Variants in ZMYND12 observed in about 807,000 individuals in gnomAD.
ZMYND12 encodes zinc finger MYND domain-containing protein 12.
In ZMYND12, 32 loss-of-function variants were observed where a neutral mutation model predicts 41.7. That is an observed-to-expected ratio of 0.77 (90% CI 0.58 to 1.03). ZMYND12 has a LOEUF of 1.03. ZMYND12 is among the 50% of genes least tolerant of loss of function. The pLI is 0.00. For synonymous variants in ZMYND12, 148 were observed against 164.8 expected (o/e 0.90, Z 0.78); for missense variants, 424 against 438.5 (o/e 0.97, Z 0.30).
intron 3 of ZMYND12, among the ~76,000 whole-genome samples, chr1:42,445,085 G>T (rs1643009629): frequency 6.6e-6 from 1 of 151,076 alleles, no homozygotes; most frequent in African/African-American, 2.4e-5. Flanking sequence ...TGGGATTACA[G>T]GTGTGAGCCA....
intron 1 of ZMYND12, 86 bp from the exon 2 acceptor site, chr1:42,450,145 C>G: frequency 6.6e-7 from 1 of 1,505,408 alleles, no homozygotes; most frequent in South Asian, 1.2e-5. Context: ...TATCCCTAGA[C>G]ACCAGAAAAG....
intron 5 of ZMYND12, among the ~76,000 whole-genome samples, chr1:42,435,895 C>A (rs963427361): frequency 6.6e-6 from 1 of 152,124 alleles, no homozygotes; most frequent in African/African-American, 2.4e-5. Flanking sequence ...CAGCAGAAAG[C>A]CTGTATTACA....
intron 1 of ZMYND12, among the ~76,000 whole-genome samples, chr1:42,455,398 G>A (rs192940091): frequency 6.5e-4 from 99 of 152,316 alleles, no homozygotes; most frequent in African/African-American, 2.1e-3. Flanking sequence ...TCAGCCTCCC[G>A]AGTAGCTGGG....
At chr1:42,431,052 CA>C (rs1403127560) in intron 7 of ZMYND12, among the ~76,000 whole-genome samples, 194 bp from the exon 8 acceptor site, 10 of 152,074 alleles carry the variant, frequency 6.6e-5, no homozygotes, top group African/African-American at 2.4e-4. Flanking sequence ...GGCAGGGCAC[CA>C]GAAAAAAACC....
At position 42,455,831 on chromosome 1, in the gene ZMYND12, G is replaced by T. The variant is rs1347842646; in HGVS notation, c.110+57C>A. On this transcript the variant is annotated intron_variant, in intron 1 of 7. Coordinates refer to ENST00000372565, the MANE Select transcript of ZMYND12 (RefSeq NM_032257.5). Reference sequence around the variant, plus strand: ...AACGCAAGGTACCCAAGCCAGACCCGGGAAAGGGAGAGAGGGAGGGAGTTA... The same window carrying T: ...AACGCAAGGTACCCAAGCCAGACCCTGGAAAGGGAGAGAGGGAGGGAGTTA... 2.9e-6 allele frequency: 4 copies of T among 1,379,158 alleles called. No homozygotes were observed. The Admixed American group carries it at 8.2e-5, about 28-fold the overall frequency. The allele number at this position is 1,379,158 out of a possible 1,614,324, so 85.4% of individuals were successfully genotyped here.
At chr1:42,452,116 C>G (rs1377072976) in intron 1 of ZMYND12, among the ~76,000 whole-genome samples, 2 of 152,156 alleles carry the variant, frequency 1.3e-5, no homozygotes, top group South Asian at 2.1e-4. Context: ...CAATTCACCA[C>G]TGATCCTATA....
chr1:42,441,830 C>T (rs914963981), intron 3 of ZMYND12, among the ~76,000 whole-genome samples: 5 of 152,100 alleles, frequency 3.3e-5, no homozygotes, highest in African/African-American at 9.7e-5. Flanking sequence ...CCGTTTTAGC[C>T]GGGATGGTCT....
chr1:42,447,390 A>G (rs1643035217), intron 3 of ZMYND12, among the ~76,000 whole-genome samples: 1 of 152,228 alleles, frequency 6.6e-6, no homozygotes, highest in Non-Finnish European at 1.5e-5. Context: ...TCAAGATCAT[A>G]AAAGTCAAGA....
intron 4 of ZMYND12, among the ~76,000 whole-genome samples, chr1:42,439,173 C>A (rs1407463460): frequency 6.6e-6 from 1 of 152,108 alleles, no homozygotes; most frequent in African/African-American, 2.4e-5. Flanking sequence ...TTTATTATTC[C>A]TGTCTTGCAG....
chr1:42,437,440 CTGTGTG>C (rs113850227), intron 4 of ZMYND12, among the ~76,000 whole-genome samples: 33,926 of 144,334 alleles, frequency 0.24, 4,738 homozygotes, highest in Non-Finnish European at 0.32. Flanking sequence ...CAATAAAGCT[CTGTGTG>C]TGTGTGTGTG....
chr1:42,431,206 G>C (rs997819282), intron 7 of ZMYND12, among the ~76,000 whole-genome samples: 1 of 152,200 alleles, frequency 6.6e-6, no homozygotes, highest in Non-Finnish European at 1.5e-5. Context: ...CCACTCTGGG[G>C]TGGTCCTGGA....
At chr1:42,447,276 T>G (rs1385676022) in intron 3 of ZMYND12, among the ~76,000 whole-genome samples, 1 of 152,208 alleles carries the variant, frequency 6.6e-6, no homozygotes, top group African/African-American at 2.4e-5. Flanking sequence ...ACCTCTGTAC[T>G]GTTTTTGCCA....
intron 3 of ZMYND12, among the ~76,000 whole-genome samples, chr1:42,440,667 TTTGTTG>T (rs140012893): frequency 1.3e-5 from 2 of 151,724 alleles, no homozygotes; most frequent in African/African-American, 4.9e-5. Flanking sequence ...TTGTCCTTTT[TTTGTTG>T]TTGTTGTTGT....
intron 1 of ZMYND12, among the ~76,000 whole-genome samples, chr1:42,451,825 A>C (rs1266788260): frequency 6.6e-6 from 1 of 152,212 alleles, no homozygotes; most frequent in East Asian, 1.9e-4. Flanking sequence ...AGCAATGGAA[A>C]TGTTAACTTA....
At chr1:42,435,186 G>A (rs372582639) in intron 6 of ZMYND12, 88 bp downstream of exon 6, 12 of 1,008,124 alleles carry the variant, frequency 1.2e-5, no homozygotes, top group Admixed American at 1.8e-5. Flanking sequence ...TTCATGACAG[G>A]GACAGCTGCT....
Position 42,436,441 on chromosome 1 carries a change from C to T in ZMYND12, c.697G>A (p.Ala233Thr), listed in dbSNP as rs1198899097. 1 of 1,613,264 alleles carries T rather than the reference C, an allele frequency of 6.2e-7. No homozygotes were observed. Among genetic ancestry groups the T allele is most frequent in the East Asian group, 2.2e-5 (1 of 44,864 alleles). The change falls in exon 5 of 8, where the codon GCA becomes ACA. Residue 233 changes from alanine (A) to threonine (T), a missense_variant. Coordinates refer to ENST00000372565, the MANE Select transcript of ZMYND12 (RefSeq NM_032257.5). ...IFYDLKKLDLADTLYTKVSEI... is the reference protein window; with the variant it reads ...IFYDLKKLDLTDTLYTKVSEI... Reference sequence around the variant, plus strand: ...CTCACCTTGGTGTACAATGTGTCTGCCAGGTCCAACTTTTTAAGGTCATAG... The same window carrying T: ...CTCACCTTGGTGTACAATGTGTCTGTCAGGTCCAACTTTTTAAGGTCATAG...
chr1:42,454,939 A>C (rs996471159), intron 1 of ZMYND12, among the ~76,000 whole-genome samples: 1 of 152,202 alleles, frequency 6.6e-6, no homozygotes, highest in African/African-American at 2.4e-5. Flanking sequence ...TAAAACACTA[A>C]GACAAAAGTT....
At chr1:42,450,718 T>C (rs1009792763) in intron 1 of ZMYND12, among the ~76,000 whole-genome samples, 1 of 152,222 alleles carries the variant, frequency 6.6e-6, no homozygotes, top group African/African-American at 2.4e-5. Flanking sequence ...TATAAATTCA[T>C]ATGAGTACTA....
At position 42,443,274 on chromosome 1, in the gene ZMYND12, G is replaced by A. The variant is rs185555232; in HGVS notation, c.425-3249C>T. Among the ~76,000 whole-genome samples the A allele has an allele frequency of 3.3e-5, 5 of 152,320 alleles. No homozygotes were observed. The East Asian group carries it at 7.7e-4, about 24-fold the overall frequency. On this transcript the variant is annotated intron_variant, in intron 3 of 7. Coordinates refer to ENST00000372565, the MANE Select transcript of ZMYND12 (RefSeq NM_032257.5). Reference sequence around the variant, plus strand: ...AGATTACAGTCAGAACTAAGCTTGTGACCAGTGAGTGCGTAAGTTCAGGCC... The same window carrying A: ...AGATTACAGTCAGAACTAAGCTTGTAACCAGTGAGTGCGTAAGTTCAGGCC...
Sources: gnomAD v4.1 joint callset for allele counts (sites outside exome capture counted in the v4.1 genomes callset) on GRCh38, gnomAD v4.1.1 for gene constraint, MANE v1.5 for transcripts, NCBI Gene and HGNC (gene_info 2026-07-23, HGNC 2026-07-21) for gene names.